Variants in SLC9A9 observed in about 807,000 individuals in gnomAD.
The protein encoded by SLC9A9 is solute carrier family 9 member A9, also known as sodium/hydrogen exchanger 9.
A neutral mutation model predicts 77.8 loss-of-function variants in SLC9A9; 62 were observed. That is an observed-to-expected ratio of 0.80 (90% CI 0.65 to 0.98). The LOEUF (loss-of-function observed/expected upper bound fraction) is 0.98. Among genes scored for constraint, SLC9A9 ranks in the 50% least tolerant of loss-of-function variants. SLC9A9 has a pLI of 0.00. For missense variants in SLC9A9, 775 were observed against 774.9 expected (o/e 1.00, Z 0.00); for synonymous variants, 320 against 283.5 (o/e 1.13, Z -1.29).
At chr3:143,316,672 ACT>A (rs2031225512) in intron 14 of SLC9A9, among the ~76,000 whole-genome samples, 1 of 152,130 alleles carries the variant, frequency 6.6e-6, no homozygotes, top group Non-Finnish European at 1.5e-5. Flanking sequence ...CATTGGATAA[ACT>A]CTGACCTTCT....
chr3:143,366,676 TA>T (rs2032911136), intron 13 of SLC9A9, among the ~76,000 whole-genome samples: 1 of 152,238 alleles, frequency 6.6e-6, no homozygotes, highest in Non-Finnish European at 1.5e-5. Flanking sequence ...TTTCATATAT[TA>T]ACACTTCAGA....
At position 143,710,747 on chromosome 3, in the gene SLC9A9, G is replaced by T. The variant is rs568334265; in HGVS notation, c.534-17440C>A. 1.0e-3 allele frequency among the ~76,000 whole-genome samples: 156 copies of T among 152,262 alleles called. 1 individual carries two copies. The highest frequency in any genetic ancestry group is 3.6e-3 in the African/African-American group (150 of 41,560). On this transcript the variant is annotated intron_variant, in intron 4 of 15. Transcript: ENST00000316549. ...TCTGCTGTCTGAGATTTCAGCAAAG[G>T]GAATAAAACTTGTGATTTGAATATA...
rs557463693 is a variant in SLC9A9 at position 143,366,931 on chromosome 3, A to G, written c.1525-3368T>C. ...ACAGCAGGTATACATACCCCAAAAC[A>G]TAATGAAAATTTAGAGCTCCCCTTA... is the stretch of plus-strand genomic sequence containing the variant. On this transcript the variant is annotated intron_variant, in intron 13 of 15. Transcript: ENST00000316549. 1.6e-4 allele frequency among the ~76,000 whole-genome samples: 25 copies of G among 152,328 alleles called. No homozygotes were observed. The South Asian group carries it at 5.2e-3, about 32-fold the overall frequency.
chr3:143,350,376 T>C (rs562828080), intron 14 of SLC9A9, among the ~76,000 whole-genome samples: 55 of 152,332 alleles, frequency 3.6e-4, no homozygotes, highest in African/African-American at 1.3e-3. Context: ...GTCACTCTTA[T>C]GTCTACAAAT....
At chr3:143,305,259 C>T (rs1016387278) in intron 14 of SLC9A9, among the ~76,000 whole-genome samples, 3 of 152,178 alleles carry the variant, frequency 2.0e-5, no homozygotes, top group Admixed American at 2.0e-4. Flanking sequence ...GTTCCCTCCT[C>T]TTAACCCCCT....
intron 9 of SLC9A9, among the ~76,000 whole-genome samples, chr3:143,543,249 C>T (rs1472812358): frequency 3.3e-5 from 5 of 152,084 alleles, no homozygotes; most frequent in African/African-American, 1.2e-4. Context: ...CTTTTTCATT[C>T]TCAGCTGTCT....
At chr3:143,633,655 C>T (rs2038465074) in intron 6 of SLC9A9, among the ~76,000 whole-genome samples, 1 of 152,094 alleles carries the variant, frequency 6.6e-6, no homozygotes, top group Admixed American at 6.6e-5. Context: ...TCACTGGGCA[C>T]ATTTAAATTT....
At chr3:143,294,833 T>G (rs892784428) in intron 14 of SLC9A9, among the ~76,000 whole-genome samples, 2 of 152,230 alleles carry the variant, frequency 1.3e-5, no homozygotes, top group African/African-American at 4.8e-5. Flanking sequence ...ATGCAGGTTC[T>G]TTCTACACAT....
Position 143,452,097 on chromosome 3 carries a change from TG to T in SLC9A9, c.1469+14939del, listed in dbSNP as rs373821712. On this transcript the variant is annotated intron_variant, in intron 12 of 15. Transcript: ENST00000316549. The stretch of plus-strand genomic sequence containing the variant: ...GAATCAGATGATGATTATTGATGGA[TG>T]CTAAAAACAGTGGGTAAAAGATTGT... Among the ~76,000 whole-genome samples, 148 of 152,238 alleles carry T rather than the reference TG, an allele frequency of 9.7e-4. 1 individual carries two copies. The highest frequency in any genetic ancestry group is 3.4e-3 in the African/African-American group (141 of 41,546).
intron 9 of SLC9A9, among the ~76,000 whole-genome samples, chr3:143,527,193 T>C (rs866222109): frequency 2.0e-5 from 3 of 152,212 alleles, no homozygotes; most frequent in Non-Finnish European, 4.4e-5. Context: ...TAGCTTTTTA[T>C]TTTTACCATT....
At chr3:143,276,307 G>T (rs1938047230) in intron 14 of SLC9A9, among the ~76,000 whole-genome samples, 1 of 152,178 alleles carries the variant, frequency 6.6e-6, no homozygotes, top group African/African-American at 2.4e-5. Flanking sequence ...CTAATCTTCA[G>T]GTCCATCCGA....
intron 12 of SLC9A9, among the ~76,000 whole-genome samples, chr3:143,413,524 TG>T (rs2034136180): frequency 6.6e-6 from 1 of 152,038 alleles, no homozygotes; most frequent in Non-Finnish European, 1.5e-5. Flanking sequence ...AGTGGTCCTG[TG>T]GGAGAAGGGG....
At chr3:143,541,029 C>T (rs1414328688) in intron 9 of SLC9A9, among the ~76,000 whole-genome samples, 1 of 152,126 alleles carries the variant, frequency 6.6e-6, no homozygotes, top group African/African-American at 2.4e-5. Context: ...GGCATTGGGT[C>T]TCCTGGTACT....
intron 5 of SLC9A9, among the ~76,000 whole-genome samples, chr3:143,691,955 G>T (rs965734030): frequency 6.6e-6 from 1 of 152,074 alleles, no homozygotes; most frequent in African/African-American, 2.4e-5. Flanking sequence ...GGATCAGGCT[G>T]ACAGCTCAGT....
intron 14 of SLC9A9, among the ~76,000 whole-genome samples, chr3:143,298,270 C>T (rs150463041): frequency 6.6e-6 from 1 of 152,330 alleles, no homozygotes; most frequent in Non-Finnish European, 1.5e-5. Context: ...GGCACACAGA[C>T]AGGGAAGGAA....
chr3:143,496,488 C>T (rs962759201), intron 9 of SLC9A9, among the ~76,000 whole-genome samples: 7 of 152,196 alleles, frequency 4.6e-5, no homozygotes, highest in African/African-American at 2.4e-5. Flanking sequence ...ATACTGTTCA[C>T]TGACAGTTGA....
intron 4 of SLC9A9, among the ~76,000 whole-genome samples, chr3:143,783,561 G>A (rs777405434): frequency 2.0e-5 from 3 of 152,134 alleles, no homozygotes; most frequent in Non-Finnish European, 4.4e-5. Context: ...ATATTTGTAT[G>A]TTATCAACCT....
At chr3:143,701,099 C>G (rs904140551) in intron 4 of SLC9A9, among the ~76,000 whole-genome samples, 6 of 152,230 alleles carry the variant, frequency 3.9e-5, no homozygotes, top group Admixed American at 1.3e-4. Flanking sequence ...TGTTACTGGG[C>G]TTGGGGTGCC....
intron 14 of SLC9A9, among the ~76,000 whole-genome samples, chr3:143,317,889 G>A (rs2031276669): frequency 6.6e-6 from 1 of 152,088 alleles, no homozygotes. Flanking sequence ...CACCACGCCT[G>A]GCTAATTTTT....
Sources: allele counts gnomAD v4.1 joint callset (sites outside exome capture counted in the v4.1 genomes callset), GRCh38; gene constraint gnomAD v4.1.1; transcripts MANE v1.5; gene names NCBI Gene and HGNC (gene_info 2026-07-23, HGNC 2026-07-21).